Variants in ACOX3 observed in about 807,000 individuals in gnomAD.
ACOX3 encodes acyl-CoA oxidase 3, pristanoyl, also known as peroxisomal acyl-coenzyme A oxidase 3.
Under a neutral mutation model 81.5 loss-of-function variants are expected in ACOX3, and 73 were observed. The observed-to-expected ratio is 0.90, with a 90% CI of 0.74 to 1.09. ACOX3 has a LOEUF of 1.09. ACOX3 is among the 50% of genes least tolerant of loss of function. ACOX3 has a pLI of 0.00. For missense variants in ACOX3, 947 were observed against 928.0 expected (o/e 1.02, Z -0.27); for synonymous variants, 387 against 375.1 (o/e 1.03, Z -0.37).
chr4:8,369,122 C>T lies in ACOX3; in HGVS notation c.1983+1786G>A, dbSNP rs552319329. Among the ~76,000 whole-genome samples the T allele has an allele frequency of 3.3e-5, 5 of 152,308 alleles. No individual in the cohort carries two copies. In the East Asian group the frequency reaches 9.7e-4, roughly 29 times the overall value. On this transcript the variant is annotated intron_variant, in intron 17 of 17. Coordinates refer to ENST00000356406, the MANE Select transcript of ACOX3 (RefSeq NM_003501.3). ...GGTCGTTCCCTGCCTCAGAGACGGG[C>T]CTGCCTCTGCAGAGCAAGGCACAGC...
intron 14 of ACOX3, among the ~76,000 whole-genome samples, chr4:8,376,697 GCTGT>G (rs1387329094): frequency 1.3e-5 from 2 of 152,272 alleles, no homozygotes; most frequent in African/African-American, 2.4e-5. Flanking sequence ...CCTGCTCCCT[GCTGT>G]CTGAGCATGG....
Position 8,437,164 on chromosome 4 carries a change from C to T in ACOX3, c.-15+3484G>A, listed in dbSNP as rs768747038. On this transcript the variant is annotated intron_variant, in intron 1 of 17. Transcript: ENST00000356406. The surrounding 1 kb of genome is among the most constrained non-coding windows in gnomAD (Gnocchi z 5.2). ...ATAAATATATATATAGTGAATACTT[C>T]GTTTGTAAAGCAAGCCCAGGGTAAC... Among the ~76,000 whole-genome samples the T allele has an allele frequency of 5.3e-4, 77 of 145,558 alleles. No individual in the cohort carries two copies. Among genetic ancestry groups the T allele is most frequent in the Non-Finnish European group, 8.8e-4 (59 of 66,996 alleles).
At chr4:8,421,121 G>A (rs1362974917) in intron 1 of ACOX3, among the ~76,000 whole-genome samples, 1 of 152,342 alleles carries the variant, frequency 6.6e-6, no homozygotes, top group African/African-American at 2.4e-5. Context: ...AACACTCATC[G>A]GTAACATTTG....
At chr4:8,418,881 C>T (rs1043042823) in intron 1 of ACOX3, among the ~76,000 whole-genome samples, 1 of 151,986 alleles carries the variant, frequency 6.6e-6, no homozygotes, top group African/African-American at 2.4e-5. Context: ...AACAAACAAA[C>T]AACAACAACA....
chr4:8,397,649 A>AC (rs1719868706), intron 8 of ACOX3, among the ~76,000 whole-genome samples: 1 of 152,352 alleles, frequency 6.6e-6, no homozygotes, highest in Admixed American at 6.5e-5. Flanking sequence ...CAGCGGCGTC[A>AC]GCAGAGGCTG....
intron 1 of ACOX3, among the ~76,000 whole-genome samples, chr4:8,421,258 T>G (rs1722911153): frequency 6.6e-6 from 1 of 152,222 alleles, no homozygotes; most frequent in Non-Finnish European, 1.5e-5. Flanking sequence ...TAAAAATGAT[T>G]AATGTGGCCA....
chr4:8,375,812 G>A (rs1011664798), intron 14 of ACOX3, among the ~76,000 whole-genome samples: 5 of 152,226 alleles, frequency 3.3e-5, no homozygotes, highest in African/African-American at 4.8e-5. Flanking sequence ...ATAATGGCGT[G>A]CAGCTGCATC....
intron 17 of ACOX3, among the ~76,000 whole-genome samples, chr4:8,367,324 A>C (rs1027051924): frequency 2.0e-5 from 3 of 152,092 alleles, no homozygotes; most frequent in Non-Finnish European, 2.9e-5. Flanking sequence ...TACTAAAAAA[A>C]AATTCAAAAT....
In ACOX3 at chr4:8,375,127, A is replaced by T. The variant is rs373431890; in HGVS notation, c.1679T>A (p.Leu560Gln). ...GACCACCGTGAGCTCCACGAAGGCC[A>T]GCGCCAACGGACGGCCGTGGGACAC... ...CQVSHGRPLA[L>Q]AFVELTVVQR... Residue 560 changes from leucine to glutamine, a missense_variant, in exon 15 of 18, where the codon CTG (leucine) becomes CAG (glutamine). Transcript: ENST00000356406. 5.2e-6 allele frequency: 8 copies of T among 1,551,676 alleles called. No individual in the cohort carries two copies. In the African/African-American group the frequency reaches 1.1e-4, roughly 21 times the overall value.
intron 17 of ACOX3, among the ~76,000 whole-genome samples, chr4:8,367,991 C>CAAA (rs536606440): frequency 3.4e-5 from 4 of 119,094 alleles, no homozygotes; most frequent in Non-Finnish European, 5.4e-5. Flanking sequence ...GATCCTATCT[C>CAAA]AAAAAAAAAA....
Position 8,440,695 on chromosome 4 carries a change from A to C in ACOX3, c.-62T>G. 1 of 1,197,670 alleles carries C rather than the reference A, an allele frequency of 8.3e-7. No homozygotes were observed. The highest frequency in any genetic ancestry group is 1.1e-6 in the Non-Finnish European group (1 of 910,640). The allele number at this position is 1,197,670 out of a possible 1,614,324, so 74.2% of individuals were successfully genotyped here. A position where few individuals can be genotyped will look rare whatever the true frequency, so the allele number is the denominator to read the frequency against. The stretch of plus-strand genomic sequence containing the variant: ...CCTGCCAGGGAAACCAAAAGCAGGA[A>C]AGGATCTCCAGCGGCGCCATTCTCA... On this transcript the variant is annotated 5_prime_UTR_variant, in exon 1 of 18. Transcript: ENST00000356406.
At chr4:8,418,333 G>A (rs1402089802) in intron 1 of ACOX3, among the ~76,000 whole-genome samples, 1 of 151,668 alleles carries the variant, frequency 6.6e-6, no homozygotes, top group Non-Finnish European at 1.5e-5. Flanking sequence ...GTGGCACATG[G>A]CTGTAATCCC....
rs750505020 is a variant in ACOX3 at position 8,419,874 on chromosome 4, T to C, written c.-14-3339A>G. On this transcript the variant is annotated intron_variant, in intron 1 of 17. Transcript: ENST00000356406. The surrounding 1 kb of genome is among the most constrained non-coding windows in gnomAD (Gnocchi z 4.2). ...ACTGGAATTACAAACCCCAGTGTCA[T>C]GTTGGAATTCCCCTCTCCATGCGCC... Among the ~76,000 whole-genome samples the C allele has an allele frequency of 6.6e-6, 1 of 152,172 alleles. No homozygotes were observed. Among genetic ancestry groups the C allele is most frequent in the Non-Finnish European group, 1.5e-5 (1 of 68,032 alleles).
rs999055762 is a variant in ACOX3, at chr4:8,432,026, T to C, written c.-15+8622A>G. On this transcript the variant is annotated intron_variant, in intron 1 of 17. Coordinates refer to ENST00000356406, the MANE Select transcript of ACOX3 (RefSeq NM_003501.3). The surrounding 1 kb of genome is among the most constrained non-coding windows in gnomAD (Gnocchi z 6.2). Reference sequence around the variant, plus strand: ...AGGTCCTTGGGAAGGGAATGGGTTCTGATGATTCGGCACCAAGAATGATCC... The same window carrying C: ...AGGTCCTTGGGAAGGGAATGGGTTCCGATGATTCGGCACCAAGAATGATCC... Among the ~76,000 whole-genome samples the C allele has an allele frequency of 6.6e-6, 1 of 152,172 alleles. No homozygotes were observed. Among genetic ancestry groups the C allele is most frequent in the Non-Finnish European group, 1.5e-5 (1 of 68,014 alleles).
intron 1 of ACOX3, among the ~76,000 whole-genome samples, chr4:8,425,835 C>T (rs62286056): frequency 0.027 from 4,112 of 152,052 alleles, 67 homozygotes; most frequent in South Asian, 0.04. Context: ...GTGACAATGG[C>T]CCCGCTTTCA....
At chr4:8,372,183 G>A (rs914777579) in intron 16 of ACOX3, among the ~76,000 whole-genome samples, 4 of 152,112 alleles carry the variant, frequency 2.6e-5, no homozygotes, top group African/African-American at 7.2e-5. Flanking sequence ...CTGCAGCCTC[G>A]AACACCTGGG....
Position 8,384,591 on chromosome 4 carries a change from G to A in ACOX3, c.1538-2984C>T, listed in dbSNP as rs1198690144. Among the ~76,000 whole-genome samples, 9 of 152,194 alleles carry A rather than the reference G, an allele frequency of 5.9e-5. No individual in the cohort carries two copies. In the East Asian group the frequency reaches 1.2e-3, roughly 20 times the overall value. ...AGGACTCTCGAAGGTGCCCCCAGCCGCCCTGTGCACCCAATGACTGCCCCT... is the reference window on the plus strand; with the variant it reads ...AGGACTCTCGAAGGTGCCCCCAGCCACCCTGTGCACCCAATGACTGCCCCT... On this transcript the variant is annotated intron_variant, in intron 13 of 17. Transcript: ENST00000356406. This position sits in a 1 kb window ranked among gnomAD's most constrained non-coding sequence, Gnocchi z 5.3.
rs1718705441 is a variant in ACOX3 at position 8,389,488 on chromosome 4, A to G, written c.1423+124T>C. The stretch of plus-strand genomic sequence containing the variant: ...GGGAGTTGGTCGGCACTATCTAATA[A>G]CATTTCTTTCCTTCTGCAAACCTAG... On this transcript the variant is annotated intron_variant, in intron 12 of 17. Coordinates refer to ENST00000356406, the MANE Select transcript of ACOX3 (RefSeq NM_003501.3). This position sits in a 1 kb window ranked among gnomAD's most constrained non-coding sequence, Gnocchi z 5.3. 4.0e-6 allele frequency: 6 copies of G among 1,506,678 alleles called. No individual in the cohort carries two copies. The highest frequency in any genetic ancestry group is 1.2e-5 in the South Asian group (1 of 82,328). 93.3% of individuals were successfully genotyped at this position (1,506,678 alleles called of 1,614,324 possible). A position where few individuals can be genotyped will look rare whatever the true frequency, so the allele number is the denominator to read the frequency against.
chr4:8,431,367 C>T lies in ACOX3; in HGVS notation c.-15+9281G>A, dbSNP rs550582259. ...GCTTCACCTCGGGGCCACCTTCTGG[C>T]ATTTGCCTGCTCACGCTGTAGCACT... On this transcript the variant is annotated intron_variant, in intron 1 of 17. Transcript: ENST00000356406. The surrounding 1 kb of genome is among the most constrained non-coding windows in gnomAD (Gnocchi z 5.3). Among the ~76,000 whole-genome samples, 3 of 152,350 alleles carry T rather than the reference C, an allele frequency of 2.0e-5. No homozygotes were observed. The East Asian group carries it at 5.8e-4, about 29-fold the overall frequency.
Sources: gnomAD v4.1 joint callset for allele counts (sites outside exome capture counted in the v4.1 genomes callset) on GRCh38, gnomAD v4.1.1 for gene constraint, Gnocchi (gnomAD v3.1) non-coding constraint, MANE v1.5 for transcripts, NCBI Gene and HGNC (gene_info 2026-07-23, HGNC 2026-07-21) for gene names.